Variants in EVI5 observed in about 807,000 individuals in gnomAD.
EVI5 encodes ecotropic viral integration site 5 protein homolog.
A neutral mutation model predicts 112.0 loss-of-function variants in EVI5; 73 were observed. The observed-to-expected ratio is 0.65, with a 90% confidence interval of 0.54 to 0.79. EVI5 has a LOEUF of 0.79. Among genes scored for constraint, EVI5 ranks in the 30% least tolerant of loss-of-function variants. The pLI is 0.00. For synonymous variants in EVI5, 305 were observed against 319.9 expected (o/e 0.95, Z 0.50); for missense variants, 900 against 968.8 (o/e 0.93, Z 0.94).
Position 92,550,182 on chromosome 1 carries a change from T to C in EVI5, c.2166+13460A>G, listed in dbSNP as rs539988617. Among the ~76,000 whole-genome samples the C allele has an allele frequency of 1.3e-4, 20 of 151,908 alleles. No individual in the cohort carries two copies. In the South Asian group the frequency reaches 4.2e-3, roughly 32 times the overall value. On this transcript the variant is annotated intron_variant, in intron 19 of 19. Transcript: ENST00000684568. ...TTATGCAGCCATAAAAAACAATGAGTTCATGTCCTTTGTAGGGACACGGAT... is the reference window on the plus strand; with the variant it reads ...TTATGCAGCCATAAAAAACAATGAGCTCATGTCCTTTGTAGGGACACGGAT...
chr1:92,751,637 G>A (rs748256654), intron 1 of EVI5, among the ~76,000 whole-genome samples: 30 of 149,850 alleles, frequency 2.0e-4, no homozygotes, highest in Non-Finnish European at 2.6e-4. Flanking sequence ...CATGAGAGGT[G>A]AGTTTGAGAC....
chr1:92,562,305 G>A (rs10465753), intron 19 of EVI5, among the ~76,000 whole-genome samples: 129,538 of 152,084 alleles, frequency 0.85, 55,541 homozygotes, highest in East Asian at 0.97. Flanking sequence ...TGAGACGGGC[G>A]GATCATGAGG....
chr1:92,721,928 A>T (rs909583875), intron 2 of EVI5, among the ~76,000 whole-genome samples: 3 of 152,210 alleles, frequency 2.0e-5, no homozygotes, highest in African/African-American at 7.2e-5. Flanking sequence ...CTTTACTGGA[A>T]ACTACTTCAT....
intron 2 of EVI5, among the ~76,000 whole-genome samples, chr1:92,731,242 C>T (rs2102770408): frequency 6.6e-6 from 1 of 152,184 alleles, no homozygotes; most frequent in South Asian, 2.1e-4. Context: ...AGAATTGCTT[C>T]AACTCAGGAG....
chr1:92,702,049 C>T, intron 5 of EVI5, 92 bp downstream of exon 5: 1 of 633,784 alleles, frequency 1.6e-6, no homozygotes. Flanking sequence ...CCCATATCCA[C>T]TTACATTTAA....
At chr1:92,699,498 G>A (rs1304186680) in intron 5 of EVI5, among the ~76,000 whole-genome samples, 1 of 152,096 alleles carries the variant, frequency 6.6e-6, no homozygotes, top group African/African-American at 2.4e-5. Flanking sequence ...TCTCTCCTAA[G>A]GTAGTTGTTT....
chr1:92,602,743 T>C lies in EVI5; in HGVS notation c.2070+2564A>G, dbSNP rs887535773. ...ATTTTTAAAGCTTTGAATTTTCTTT[T>C]GAAGATAGTTTTGATAATATAGAAA... On this transcript the variant is annotated intron_variant, in intron 18 of 19. Transcript: ENST00000684568. 4.6e-5 allele frequency among the ~76,000 whole-genome samples: 7 copies of C among 152,078 alleles called. No homozygotes were observed. The South Asian group carries it at 1.2e-3, about 27-fold the overall frequency.
chr1:92,722,960 T>C (rs967660889), intron 2 of EVI5, among the ~76,000 whole-genome samples: 6 of 152,310 alleles, frequency 3.9e-5, no homozygotes, highest in South Asian at 2.1e-4. Flanking sequence ...TCCTAAGAAA[T>C]GATAAGAAAG....
intron 2 of EVI5, chr1:92,733,069 GAAA>G (rs200621237): frequency 5.1e-6 from 1 of 196,200 alleles, no homozygotes; most frequent in Admixed American, 4.7e-5. Context: ...AAAAAAAAAA[GAAA>G]AAAAAAATTA....
chr1:92,528,976 T>C (rs1557719255), intron 19 of EVI5, among the ~76,000 whole-genome samples: 1 of 152,158 alleles, frequency 6.6e-6, no homozygotes, highest in Non-Finnish European at 1.5e-5. Flanking sequence ...GTCTAAGAAA[T>C]AATATCTATA....
chr1:92,682,749 A>G (rs1249327839), intron 9 of EVI5, among the ~76,000 whole-genome samples: 2 of 152,126 alleles, frequency 1.3e-5, no homozygotes, highest in African/African-American at 4.8e-5. Context: ...TCAAAAAAAA[A>G]GAAAGAAACA....
intron 1 of EVI5, among the ~76,000 whole-genome samples, chr1:92,769,301 T>C (rs1347389796): frequency 2.0e-5 from 3 of 152,236 alleles, no homozygotes; most frequent in Non-Finnish European, 2.9e-5. Context: ...TATATATTCA[T>C]CAAGATTTCT....
intron 1 of EVI5, among the ~76,000 whole-genome samples, chr1:92,754,590 C>G (rs1207468642): frequency 6.6e-6 from 1 of 152,296 alleles, no homozygotes; most frequent in Middle Eastern, 3.4e-3. Context: ...GGAAGAGCTG[C>G]TTCAAAGATG....
At chr1:92,761,342 T>A (rs1251119665) in intron 1 of EVI5, among the ~76,000 whole-genome samples, 3 of 152,174 alleles carry the variant, frequency 2.0e-5, no homozygotes, top group Non-Finnish European at 2.9e-5. Flanking sequence ...GATTTTTTTT[T>A]AGTGGGTATT....
In EVI5 at chr1:92,627,897, C is replaced by A. The variant is rs191166674; in HGVS notation, c.1528-1963G>T. On this transcript the variant is annotated intron_variant, in intron 14 of 19. Coordinates refer to ENST00000684568, the MANE Select transcript of EVI5 (RefSeq NM_001350197.2). ...TTCTGCCTCCCGGGTTCAAGCAATT[C>A]TCTGCCTCAGCCTCCCGAGTAGCTG... Among the ~76,000 whole-genome samples, 1,026 of 152,144 alleles carry A rather than the reference C, an allele frequency of 6.7e-3. 8 individuals are homozygous for A. The highest frequency in any genetic ancestry group is 0.011 in the Non-Finnish European group (742 of 67,978).
At position 92,697,881 on chromosome 1, in the gene EVI5, G is replaced by A; in HGVS notation, c.744C>T (p.Tyr248=). ...TTACCTGTATCATACATTCAAACTG[G>A]TACATACAAAGGCCCAATTCTGCCA... ...PSMAELGLCM[Y]QFECMIQEHL... is the part of the protein sequence containing the mutation. The change falls in exon 6 of 20, where the codon TAC becomes TAT. Residue 248 remains tyrosine, a synonymous_variant. Transcript: ENST00000684568. The A allele has an allele frequency of 1.2e-6, 2 of 1,612,560 alleles. 1 individual carries two copies. Among genetic ancestry groups the A allele is most frequent in the South Asian group, 2.2e-5 (2 of 91,018 alleles).
chr1:92,782,566 G>A (rs565904172), intron 1 of EVI5, among the ~76,000 whole-genome samples: 1 of 152,206 alleles, frequency 6.6e-6, no homozygotes, highest in South Asian at 2.1e-4. Context: ...ATATATTACT[G>A]TACCTCTACT....
Position 92,512,483 on chromosome 1 carries a change from G to A in EVI5, c.*1173C>T, listed in dbSNP as rs143205036. The A allele has an allele frequency of 1.3e-4, 20 of 152,238 alleles. 1 individual carries two copies. The highest frequency in any genetic ancestry group is 4.8e-4 in the African/African-American group (20 of 41,548). The allele number at this position is 152,238 out of a possible 1,614,324, so 9.4% of individuals were successfully genotyped here. On this transcript the variant is annotated 3_prime_UTR_variant, in exon 20 of 20. Transcript: ENST00000684568. ...ATACTAAAGCTCTTAAAACATTAGT[G>A]TTTTATTTTTAACTTTTAACCTATT...
At chr1:92,595,963 T>C (rs1054981306) in intron 18 of EVI5, among the ~76,000 whole-genome samples, 1 of 152,214 alleles carries the variant, frequency 6.6e-6, no homozygotes, top group Admixed American at 6.5e-5. Flanking sequence ...ATTCCTTTTA[T>C]TCCTGGAAAA....
Sources: gnomAD v4.1 joint callset for allele counts (sites outside exome capture counted in the v4.1 genomes callset) on GRCh38, gnomAD v4.1.1 for gene constraint, MANE v1.5 for transcripts, NCBI Gene and HGNC (gene_info 2026-07-23, HGNC 2026-07-21) for gene names.